The following DIAPH1 variants were observed in gnomAD, a reference collection of about 807,000 sequenced individuals.
DIAPH1 encodes the protein diaphanous related formin 1, also known as protein diaphanous homolog 1.
A neutral mutation model predicts 140.7 loss-of-function variants in DIAPH1; 46 were observed. That is an observed-to-expected ratio of 0.33 (90% CI 0.26 to 0.42). The LOEUF is 0.42. Among genes scored for constraint, DIAPH1 ranks in the 10% least tolerant of loss-of-function variants. DIAPH1 has a pLI of 1.00. For synonymous variants in DIAPH1, 565 were observed against 551.6 expected (o/e 1.02, Z -0.34); for missense variants, 1,310 against 1,558.7 (o/e 0.84, Z 2.69).
intron 18 of DIAPH1, among the ~76,000 whole-genome samples, chr5:141,537,993 G>C (rs2154595235): frequency 6.6e-6 from 1 of 151,356 alleles, no homozygotes; most frequent in South Asian, 2.1e-4. Context: ...CTGAGCTCAA[G>C]CAATTCTCCC....
At chr5:141,598,349 G>A (rs927002411) in intron 1 of DIAPH1, among the ~76,000 whole-genome samples, 4 of 152,094 alleles carry the variant, frequency 2.6e-5, no homozygotes, top group African/African-American at 9.7e-5. Context: ...GTCATTAGCT[G>A]GTACAGGAAA....
chr5:141,588,177 G>T (rs753480525), intron 2 of DIAPH1, 47 bp downstream of exon 2: 1 of 1,504,798 alleles, frequency 6.6e-7, no homozygotes, highest in Non-Finnish European at 9.3e-7. Flanking sequence ...ATATGATAGT[G>T]TAGGCAATGA....
intron 18 of DIAPH1, among the ~76,000 whole-genome samples, chr5:141,561,173 G>C (rs1335768028): frequency 1.3e-5 from 2 of 152,010 alleles, no homozygotes; most frequent in Non-Finnish European, 2.9e-5. Context: ...ACACACACAG[G>C]AGAGTGCCGT....
chr5:141,556,975 G>A (rs1017234660), intron 18 of DIAPH1, among the ~76,000 whole-genome samples: 5 of 152,166 alleles, frequency 3.3e-5, no homozygotes, highest in Admixed American at 3.3e-4. Context: ...GATTACAGGC[G>A]TGAGTCACCG....
chr5:141,523,377 C>T (rs2099886836), intron 27 of DIAPH1, among the ~76,000 whole-genome samples: 1 of 152,202 alleles, frequency 6.6e-6, no homozygotes, highest in African/African-American at 2.4e-5. Flanking sequence ...CTTGCCTATA[C>T]CTTCCTTTGA....
At chr5:141,560,941 G>C (rs567728804) in intron 18 of DIAPH1, 40 of 455,880 alleles carry the variant, frequency 8.8e-5, no homozygotes, top group South Asian at 5.3e-4. Context: ...AAAGATGAGG[G>C]GGGGAAGGGG....
chr5:141,562,667 A>G (rs1363261605), intron 18 of DIAPH1, among the ~76,000 whole-genome samples: 1 of 151,898 alleles, frequency 6.6e-6, no homozygotes, highest in Admixed American at 6.6e-5. Flanking sequence ...AAAGCCCCAG[A>G]GGAAACATTC....
chr5:141,562,614 AAAAAACAAAC>A (rs2099893748), intron 18 of DIAPH1, among the ~76,000 whole-genome samples: 2 of 120,480 alleles, frequency 1.7e-5, no homozygotes, highest in Non-Finnish European at 1.9e-5. Context: ...TGCAAAAAAA[AAAAAACAAAC>A]AAAAAAAAAC....
intron 18 of DIAPH1, among the ~76,000 whole-genome samples, chr5:141,559,239 G>A (rs965588416): frequency 6.6e-6 from 1 of 152,168 alleles, no homozygotes; most frequent in Non-Finnish European, 1.5e-5. Flanking sequence ...CTTCATGGTT[G>A]TAATATACAT....
Position 141,528,876 on chromosome 5 carries a change from C to T in DIAPH1, c.2844G>A (p.Glu948=), listed in dbSNP as rs1451053930. 6.2e-7 allele frequency: 1 copy of T among 1,614,230 alleles called. No homozygotes were observed. The highest frequency in any genetic ancestry group is 1.7e-5 in the Admixed American group (1 of 60,022). Residue 948 remains glutamate, a synonymous_variant, in exon 22 of 28, where the codon GAG becomes GAA. Coordinates refer to ENST00000389054, the MANE Select transcript of DIAPH1 (RefSeq NM_005219.5). ...TCTCTGGCTTGATATTCTCCACTTG[C>T]TCGCTGAATTGTAGCTTGAAGAGAA... ...NAILFKLQFS[E]QVENIKPEIV...
At position 141,584,177 on chromosome 5, in the gene DIAPH1, C is replaced by T; in HGVS notation, c.349G>A (p.Asp117Asn). 6.2e-7 allele frequency: 1 copy of T among 1,613,572 alleles called. No homozygotes were observed. Among genetic ancestry groups the T allele is most frequent in the Non-Finnish European group, 8.5e-7 (1 of 1,179,664 alleles). Residue 117 changes from aspartate (D) to asparagine (N), a missense_variant, in exon 4 of 28, where the codon GAC (aspartate) becomes AAC (asparagine). Coordinates refer to ENST00000389054, the MANE Select transcript of DIAPH1 (RefSeq NM_005219.5). ...ACCATCTCCCTCTTGATGATGATGT[C>T]CTTCTCCCTCAAAGGTTGCTGTTTC... ...EEKQQPLREK[D>N]IIIKREMVSQ...
chr5:141,548,066 G>A (rs1348120388), intron 18 of DIAPH1, among the ~76,000 whole-genome samples: 1 of 152,030 alleles, frequency 6.6e-6, no homozygotes, highest in African/African-American at 2.4e-5. Context: ...GGATGCGGTG[G>A]TGCACGCTTG....
At chr5:141,532,978 T>G (rs2099888464) in intron 19 of DIAPH1, among the ~76,000 whole-genome samples, 1 of 152,260 alleles carries the variant, frequency 6.6e-6, no homozygotes, top group Non-Finnish European at 1.5e-5. Flanking sequence ...CACTATGTAG[T>G]AATAGTTATT....
chr5:141,521,899 G>C (rs1210251505), intron 27 of DIAPH1, among the ~76,000 whole-genome samples: 1 of 152,174 alleles, frequency 6.6e-6, no homozygotes, highest in Non-Finnish European at 1.5e-5. Context: ...GGACCCTGCA[G>C]ACCATTCATT....
In DIAPH1 at chr5:141,573,951, T is replaced by A; in HGVS notation, c.1899A>T (p.Leu633Phe). 1 of 1,536,484 alleles carries A rather than the reference T, an allele frequency of 6.5e-7. No homozygotes were observed. The highest frequency in any genetic ancestry group is 2.5e-5 in the East Asian group (1 of 40,694). The stretch of plus-strand genomic sequence containing the variant: ...GTGGAGAGATAGCAGTACCTCCAGG[T>A]AAAGAAGGGGGTGAGGAGATGCAAA... ...GGVCISSPPS[L>F]PGGTAISPPP... Residue 633 changes from leucine to phenylalanine, a missense_variant, in exon 16 of 28, where the codon TTA becomes TTT. By Grantham distance (22) the Leu-to-Phe change is conservative. Coordinates refer to ENST00000389054, the MANE Select transcript of DIAPH1 (RefSeq NM_005219.5).
At chr5:141,522,822 G>A (rs1252542114) in intron 27 of DIAPH1, among the ~76,000 whole-genome samples, 6 of 152,172 alleles carry the variant, frequency 3.9e-5, no homozygotes, top group African/African-American at 1.4e-4. Flanking sequence ...CCACGCTTTA[G>A]AAAGCCTGTA....
chr5:141,550,403 A>G (rs999223629), intron 18 of DIAPH1: 1 of 154,522 alleles, frequency 6.5e-6, no homozygotes, highest in Admixed American at 6.5e-5. Flanking sequence ...CTCATGTCCT[A>G]TATCTGTACA....
chr5:141,551,714 T>C (rs72790096), intron 18 of DIAPH1, among the ~76,000 whole-genome samples: 18,422 of 152,190 alleles, frequency 0.12, 1,193 homozygotes, highest in South Asian at 0.15. Flanking sequence ...GCCTACTCCA[T>C]AAAGTGAGAT....
Position 141,613,881 on chromosome 5 carries a change from T to C in DIAPH1, c.117+4917A>G, listed in dbSNP as rs530587756. Among the ~76,000 whole-genome samples, 3 of 152,336 alleles carry C rather than the reference T, an allele frequency of 2.0e-5. No homozygotes were observed. The South Asian group carries it at 6.2e-4, about 32-fold the overall frequency. On this transcript the variant is annotated intron_variant, in intron 1 of 27. Transcript: ENST00000389054. The stretch of plus-strand genomic sequence containing the variant: ...AATTTTATTATCAACAGCTTCTGAC[T>C]GCCCCTAATTCCCCAAAGGCCTGGC...
Sources: allele counts gnomAD v4.1 joint callset (sites outside exome capture counted in the v4.1 genomes callset), GRCh38; gene constraint gnomAD v4.1.1; transcripts MANE v1.5; gene names NCBI Gene and HGNC (gene_info 2026-07-23, HGNC 2026-07-21).